Variants in TAF1B observed in about 807,000 individuals in gnomAD.
TAF1B encodes TATA box-binding protein-associated factor RNA polymerase I subunit B.
A neutral mutation model predicts 83.9 loss-of-function variants in TAF1B; 61 were observed. That is an observed-to-expected ratio of 0.73 (90% CI 0.59 to 0.90). The LOEUF is 0.90. Ranked by LOEUF, TAF1B falls within the 40% of genes least tolerant of loss-of-function variation. The pLI is 0.00. For missense variants in TAF1B, 625 were observed against 677.0 expected (o/e 0.92, Z 0.85); for synonymous variants, 221 against 224.6 (o/e 0.98, Z 0.14).
chr2:9,891,187 C>A (rs1474747907), intron 8 of TAF1B, among the ~76,000 whole-genome samples: 1 of 152,186 alleles, frequency 6.6e-6, no homozygotes, highest in Non-Finnish European at 1.5e-5. Flanking sequence ...TGAAAAATTC[C>A]TGTCACCTAG....
At chr2:9,905,045 G>A (rs1236945856) in intron 9 of TAF1B, 39 bp downstream of exon 9, 5 of 1,556,664 alleles carry the variant, frequency 3.2e-6, no homozygotes, top group Admixed American at 3.5e-5. Flanking sequence ...ACTTTAACTA[G>A]TAGAGTAATA....
intron 5 of TAF1B, among the ~76,000 whole-genome samples, chr2:9,859,779 G>C (rs866697005): frequency 6.6e-6 from 1 of 152,142 alleles, no homozygotes; most frequent in Admixed American, 6.5e-5. Context: ...CCTGCAAACT[G>C]TTCCAACCCC....
intron 14 of TAF1B, among the ~76,000 whole-genome samples, chr2:9,924,571 T>G (rs1665979120): frequency 6.6e-6 from 1 of 152,214 alleles, no homozygotes; most frequent in South Asian, 2.1e-4. Flanking sequence ...GCTGTGTGCC[T>G]TCGTGGTGGG....
At chr2:9,874,405 G>A (rs2125150302) in intron 6 of TAF1B, among the ~76,000 whole-genome samples, 1 of 151,962 alleles carries the variant, frequency 6.6e-6, no homozygotes, top group East Asian at 1.9e-4. Context: ...ACTCTACATT[G>A]CTATTTTTCT....
chr2:9,900,994 G>A (rs1029189951), intron 8 of TAF1B, among the ~76,000 whole-genome samples: 1 of 152,036 alleles, frequency 6.6e-6, no homozygotes, highest in Admixed American at 6.5e-5. Context: ...AGTTGTCAGA[G>A]ATTTTTATTA....
intron 7 of TAF1B, among the ~76,000 whole-genome samples, chr2:9,882,233 T>G (rs1319554686): frequency 6.6e-6 from 1 of 152,132 alleles, no homozygotes; most frequent in Non-Finnish European, 1.5e-5. Flanking sequence ...CCCGAGTAAC[T>G]GGGACTACAG....
At position 9,874,961 on chromosome 2, in the gene TAF1B, CT is replaced by C. The variant is rs535924030; in HGVS notation, c.554-891del. ...ATTAAAAAATTCAAACGTTCAAATTCTTTTTTTTTTTTTCTTTTTGGAGACA... is the reference window on the plus strand; with the variant it reads ...ATTAAAAAATTCAAACGTTCAAATTCTTTTTTTTTTTTCTTTTTGGAGACA... On this transcript the variant is annotated intron_variant, in intron 6 of 14. Coordinates refer to ENST00000263663, the MANE Select transcript of TAF1B (RefSeq NM_005680.3). Among the ~76,000 whole-genome samples the C allele has an allele frequency of 1.1e-3, 157 of 143,640 alleles. 1 individual carries two copies. The highest frequency in any genetic ancestry group is 2.0e-3 in the East Asian group (10 of 4,958). 94.2% of individuals were successfully genotyped at this position (143,640 alleles called of 152,430 possible).
intron 12 of TAF1B, chr2:9,913,848 T>A (rs1331722110): frequency 6.6e-6 from 1 of 152,260 alleles, no homozygotes; most frequent in African/African-American, 2.4e-5. Context: ...ACAAGCTAGC[T>A]GTGTGCCCAT....
At chr2:9,882,511 T>C (rs1302193142) in intron 7 of TAF1B, among the ~76,000 whole-genome samples, 195 bp from the exon 8 acceptor site, 1 of 152,218 alleles carries the variant, frequency 6.6e-6, no homozygotes, top group Admixed American at 6.5e-5. Context: ...CATTCAGTAA[T>C]TGGCTAAATA....
At chr2:9,910,550 G>A (rs1004384700) in intron 9 of TAF1B, among the ~76,000 whole-genome samples, 186 bp from the exon 10 acceptor site, 12 of 152,108 alleles carry the variant, frequency 7.9e-5, no homozygotes, top group Admixed American at 4.6e-4. Flanking sequence ...GGAATGATAC[G>A]CCGTTTTAAG....
intron 8 of TAF1B, among the ~76,000 whole-genome samples, chr2:9,900,003 A>G (rs544797376): frequency 3.9e-5 from 6 of 152,344 alleles, no homozygotes; most frequent in Non-Finnish European, 7.4e-5. Context: ...TAAGGAAATG[A>G]TGGATTCATA....
At chr2:9,902,415 C>A (rs1665210295) in intron 8 of TAF1B, among the ~76,000 whole-genome samples, 1 of 152,160 alleles carries the variant, frequency 6.6e-6, no homozygotes, top group Non-Finnish European at 1.5e-5. Context: ...ATGTCCTACC[C>A]ACCCTTAGAG....
At chr2:9,928,343 G>A (rs915624842) in intron 14 of TAF1B, among the ~76,000 whole-genome samples, 14 of 152,172 alleles carry the variant, frequency 9.2e-5, no homozygotes, top group Non-Finnish European at 1.8e-4. Context: ...TTTTGGCAAT[G>A]CGGGCTCTTT....
chr2:9,913,352 G>T, intron 12 of TAF1B, 103 bp downstream of exon 12: 2 of 867,468 alleles, frequency 2.3e-6, no homozygotes, highest in African/African-American at 1.7e-5. Flanking sequence ...TCTACATTGT[G>T]ACTTTTTTTT....
intron 5 of TAF1B, among the ~76,000 whole-genome samples, chr2:9,858,205 T>G (rs143652625): frequency 0.018 from 2,809 of 152,298 alleles, 39 homozygotes; most frequent in Non-Finnish European, 0.029. Flanking sequence ...TGGGATAAAT[T>G]GGCCAAAACA....
At chr2:9,882,636 T>G in intron 7 of TAF1B, 70 bp from the exon 8 acceptor site, 1 of 967,798 alleles carries the variant, frequency 1.0e-6, no homozygotes, top group East Asian at 2.7e-5. Flanking sequence ...TAAGAGATTT[T>G]TCTTAAAGCA....
intron 7 of TAF1B, among the ~76,000 whole-genome samples, chr2:9,878,160 C>A (rs1664380912): frequency 6.6e-6 from 1 of 152,026 alleles, no homozygotes; most frequent in Non-Finnish European, 1.5e-5. Context: ...GAATCAGAAA[C>A]CCTGGGGTAG....
chr2:9,905,380 T>C (rs1398877448), intron 9 of TAF1B, among the ~76,000 whole-genome samples: 1 of 152,198 alleles, frequency 6.6e-6, no homozygotes, highest in Admixed American at 6.5e-5. Flanking sequence ...GGCATTATTA[T>C]TACATAATGA....
At chr2:9,933,653 C>A in intron 14 of TAF1B, 130 bp from the exon 15 acceptor site, 1 of 711,184 alleles carries the variant, frequency 1.4e-6, no homozygotes. Flanking sequence ...AGTTTCCTTC[C>A]AGCTCAGGGT....
Sources: allele counts gnomAD v4.1 joint callset (sites outside exome capture counted in the v4.1 genomes callset), GRCh38; gene constraint gnomAD v4.1.1; transcripts MANE v1.5; gene names NCBI Gene and HGNC (gene_info 2026-07-23, HGNC 2026-07-21).